The following RNF13 variants were observed in gnomAD, a reference collection of about 807,000 sequenced individuals.
RNF13 encodes the protein ring finger protein 13.
In RNF13, 19 loss-of-function variants were observed where a neutral mutation model predicts 37.7. The ratio of observed to expected loss-of-function variants is 0.50; its 90% confidence interval spans 0.35 to 0.74. RNF13 has a LOEUF of 0.74. Among genes scored for constraint, RNF13 ranks in the 30% least tolerant of loss-of-function variants. The probability of loss-of-function intolerance (pLI) is 0.01; values close to 1 mark genes in which losing one functional copy is unlikely to be tolerated. For missense variants in RNF13, 375 were observed against 453.0 expected, an observed-to-expected ratio of 0.83 and a Z score of 1.56; for synonymous variants, 144 against 157.8, an observed-to-expected ratio of 0.91 and a Z score of 0.65.
intron 3 of RNF13, among the ~76,000 whole-genome samples, chr3:149,854,222 T>TA (rs201865258): frequency 0.021 from 3,260 of 151,638 alleles, 105 homozygotes; most frequent in African/African-American, 0.072. Context: ...TTTTAATTAT[T>TA]AAAAAAAAAT....
chr3:149,913,004 A>G (rs897232707), intron 7 of RNF13, among the ~76,000 whole-genome samples: 1 of 152,184 alleles, frequency 6.6e-6, no homozygotes, highest in South Asian at 2.1e-4. Flanking sequence ...GCAAAGATAT[A>G]AAACAGTCCC....
intron 8 of RNF13, among the ~76,000 whole-genome samples, chr3:149,944,350 G>A (rs1447557251): frequency 6.6e-6 from 1 of 152,144 alleles, no homozygotes; most frequent in Non-Finnish European, 1.5e-5. Context: ...GGATTGCTGG[G>A]TCAAATGGTA....
At position 149,887,649 on chromosome 3, in the gene RNF13, G is replaced by A. The variant is rs1714199612; in HGVS notation, c.322-7824G>A. 2.0e-5 allele frequency among the ~76,000 whole-genome samples: 3 copies of A among 152,184 alleles called. No homozygotes were observed. The South Asian group carries it at 6.2e-4, about 32-fold the overall frequency. ...ATTTAAGTAGATGATTATGTGAACTGCAGATAAAGACTGTTTTAGTTTTTC... is the reference window on the plus strand; with the variant it reads ...ATTTAAGTAGATGATTATGTGAACTACAGATAAAGACTGTTTTAGTTTTTC... On this transcript the variant is annotated intron_variant, in intron 4 of 9. Transcript: ENST00000392894.
intron 1 of RNF13, among the ~76,000 whole-genome samples, chr3:149,827,439 C>T (rs565615983): frequency 2.4e-4 from 37 of 152,026 alleles, no homozygotes; most frequent in Non-Finnish European, 4.6e-4. Flanking sequence ...TTTAATGTTA[C>T]GGTCTTAAAT....
intron 1 of RNF13, among the ~76,000 whole-genome samples, chr3:149,844,327 G>A (rs1372176569): frequency 1.3e-5 from 2 of 152,202 alleles, no homozygotes; most frequent in African/African-American, 4.8e-5. Flanking sequence ...ATCAGTGTAA[G>A]CGTCTAAGGG....
In RNF13 at chr3:149,962,048, G is replaced by A. The variant is rs1452346808; in HGVS notation, c.*944G>A. 6.6e-6 allele frequency: 1 copy of A among 152,642 alleles called. No individual in the cohort carries two copies. Among genetic ancestry groups the A allele is most frequent in the Non-Finnish European group, 1.5e-5 (1 of 68,030 alleles). 9.5% of individuals were successfully genotyped at this position (152,642 alleles called of 1,614,324 possible). A position where few individuals can be genotyped will look rare whatever the true frequency, so the allele number is the denominator to read the frequency against. ...AACTATGTAGAAAGTGTAGACTAAT[G>A]TATAATCAAAATGCTAAGGATTTTT... On this transcript the variant is annotated 3_prime_UTR_variant, in exon 10 of 10. Coordinates refer to ENST00000392894, the MANE Select transcript of RNF13 (RefSeq NM_183381.3).
intron 1 of RNF13, among the ~76,000 whole-genome samples, chr3:149,826,059 A>G (rs761276547): frequency 1.3e-5 from 2 of 152,120 alleles, no homozygotes; most frequent in Non-Finnish European, 2.9e-5. Context: ...TTGAATCTCT[A>G]CTGGTACACA....
rs1424032159 is a variant in RNF13, at chr3:149,895,560, A to G, written c.409A>G (p.Ile137Val). 1.3e-6 allele frequency: 2 copies of G among 1,570,618 alleles called. No homozygotes were observed. The highest frequency in any genetic ancestry group is 1.7e-6 in the Non-Finnish European group (2 of 1,143,592). Residue 137 changes from isoleucine (I) to valine (V), a missense_variant and splice_region_variant, in exon 5 of 10, where the codon ATT becomes GTT. Transcript: ENST00000392894. Reference protein sequence around the residue: ...DDLISMGSNDIEVLKKIDIPS... With the variant: ...DDLISMGSNDVEVLKKIDIPS... ...CCTCATTAGCATGGGATCCAACGAC[A>G]GTAAGTACAGGTATCACTTTTCTTC...
chr3:149,926,336 C>T (rs1225515437), intron 8 of RNF13, among the ~76,000 whole-genome samples: 1 of 152,210 alleles, frequency 6.6e-6, no homozygotes, highest in Admixed American at 6.5e-5. Context: ...CTCATCCTGC[C>T]GAGTAGCTGG....
intron 2 of RNF13, 115 bp from the exon 3 acceptor site, chr3:149,852,401 C>A: frequency 4.3e-6 from 2 of 460,276 alleles, no homozygotes; most frequent in Non-Finnish European, 7.8e-6. Flanking sequence ...TTTTGATAAG[C>A]TGTGATAGTA....
intron 8 of RNF13, among the ~76,000 whole-genome samples, chr3:149,945,164 T>C (rs1031011180): frequency 2.0e-5 from 3 of 152,370 alleles, no homozygotes; most frequent in Admixed American, 2.0e-4. Flanking sequence ...GTTCCATTGG[T>C]CTATATCTCT....
intron 3 of RNF13, among the ~76,000 whole-genome samples, chr3:149,855,305 T>G (rs932785968): frequency 1.3e-5 from 2 of 151,934 alleles, no homozygotes; most frequent in African/African-American, 2.4e-5. Context: ...GGCGACAGAG[T>G]GAGACCTTGT....
At chr3:149,822,518 C>G (rs1383706116) in intron 1 of RNF13, 1 of 152,012 alleles carries the variant, frequency 6.6e-6, no homozygotes, top group African/African-American at 2.4e-5. Context: ...CATGTGCAAG[C>G]TGAATCACGT....
chr3:149,872,351 G>A (rs1712168509), intron 4 of RNF13, among the ~76,000 whole-genome samples, 197 bp downstream of exon 4: 1 of 152,124 alleles, frequency 6.6e-6, no homozygotes, highest in Admixed American at 6.5e-5. Flanking sequence ...CTTGAACTGT[G>A]GTTTAACAGT....
Position 149,922,294 on chromosome 3 carries a change from A to G in RNF13, c.700+1067A>G, listed in dbSNP as rs561263027. On this transcript the variant is annotated intron_variant, in intron 8 of 9. Coordinates refer to ENST00000392894, the MANE Select transcript of RNF13 (RefSeq NM_183381.3). ...GCCTGTTTCCTGACTTTTTAAGACT[A>G]TACTCTTATACTACCTTCTGTGTCC... is the stretch of plus-strand genomic sequence containing the variant. Among the ~76,000 whole-genome samples the G allele has an allele frequency of 1.1e-4, 17 of 152,196 alleles. No individual in the cohort carries two copies. In the South Asian group the frequency reaches 3.3e-3, roughly 30 times the overall value.
rs1205916726 is a variant in RNF13 at position 149,871,871 on chromosome 3, C to G, written c.196-158C>G. On this transcript the variant is annotated intron_variant, in intron 3 of 9. Transcript: ENST00000392894. ...AACTAAATGCTTGTGAAAGCAAATG[C>G]TGCTTTAGAAGTTCCGTGATTGTGA... Among the ~76,000 whole-genome samples, 3 of 152,242 alleles carry G rather than the reference C, an allele frequency of 2.0e-5. No individual in the cohort carries two copies. The East Asian group carries it at 5.8e-4, about 29-fold the overall frequency.
At chr3:149,950,178 CCA>C (rs1187123451) in intron 8 of RNF13, among the ~76,000 whole-genome samples, 1 of 152,162 alleles carries the variant, frequency 6.6e-6, no homozygotes, top group Non-Finnish European at 1.5e-5. Context: ...CATTAACCAA[CCA>C]TTGTTGCATG....
chr3:149,826,102 C>A (rs1280277137), intron 1 of RNF13, among the ~76,000 whole-genome samples: 1 of 152,160 alleles, frequency 6.6e-6, no homozygotes, highest in Non-Finnish European at 1.5e-5. Context: ...GCAGATAGAT[C>A]TGAAATTCTG....
intron 5 of RNF13, among the ~76,000 whole-genome samples, chr3:149,900,510 G>A (rs533796895): frequency 6.6e-6 from 1 of 151,986 alleles, no homozygotes; most frequent in African/African-American, 2.4e-5. Flanking sequence ...GGAGTTACAG[G>A]CTGTAGTACA....
Sources: gnomAD v4.1 joint callset for allele counts (sites outside exome capture counted in the v4.1 genomes callset) on GRCh38, gnomAD v4.1.1 for gene constraint, MANE v1.5 for transcripts, NCBI Gene and HGNC (gene_info 2026-07-23, HGNC 2026-07-21) for gene names.